PABPN1L: variants seen among roughly 807,000 people sequenced by gnomAD.
PABPN1L encodes PABPN1 like, cytoplasmic.
Under a neutral mutation model 34.0 loss-of-function variants are expected in PABPN1L, and 45 were observed. The observed-to-expected ratio is 1.32, with a 90% CI of 1.04 to 1.70. PABPN1L has a LOEUF of 1.70. Ranked by LOEUF, PABPN1L falls within the 40% of genes most tolerant of loss-of-function variation. The pLI, the probability that PABPN1L is intolerant of heterozygous loss-of-function variation, is 0.00. For missense variants in PABPN1L, 459 were observed against 367.8 expected (o/e 1.25, Z -2.03); for synonymous variants, 182 against 152.1 (o/e 1.20, Z -1.45).
chr16:88,867,850 C>T (rs1443046793), upstream of PABPN1L, among the ~76,000 whole-genome samples: 3 of 152,162 alleles, frequency 2.0e-5, no homozygotes, highest in Non-Finnish European at 4.4e-5. Context: ...GGACTCGGGG[C>T]CAGGGGGTCA....
chr16:88,864,792 C>T, intron 5 of PABPN1L, 61 bp downstream of exon 5: 2 of 1,492,190 alleles, frequency 1.3e-6, no homozygotes, highest in Non-Finnish European at 1.8e-6. Context: ...CTGTGTGTCC[C>T]AGGGCCAGTG....
In PABPN1L at chr16:88,865,912, A is replaced by G. The variant is rs552502545; in HGVS notation, c.285T>C (p.Cys95=). 97 of 1,608,644 alleles carry G rather than the reference A, an allele frequency of 6.0e-5. No homozygotes were observed. The Admixed American group carries it at 1.6e-3, about 26-fold the overall frequency. ...GCGTCCCCTCGGCCTGCTCCATGGC[A>G]CACACCTTCATCTTGATGGCCTCCA... Residue 95 remains cysteine, a synonymous_variant, in exon 2 of 7, where the codon TGT becomes TGC. Coordinates refer to ENST00000419291, the Ensembl canonical transcript of PABPN1L.
At chr16:88,867,633 G>A (rs971844348), upstream of PABPN1L, among the ~76,000 whole-genome samples, 2 of 151,866 alleles carry the variant, frequency 1.3e-5, no homozygotes, top group African/African-American at 4.8e-5. Context: ...GTGGGGCGGG[G>A]TCTCCGTGGG....
rs1329095683 is a variant in PABPN1L at position 88,864,835 on chromosome 16, T to C, written c.654+18A>G. On this transcript the variant is annotated intron_variant, in intron 5 of 6. Transcript: ENST00000419291. ...CCCTCTGCGCTCATGTTCCTGGACCTGGGGAGCACCGGCGCACCTTGATGA... is the reference window on the plus strand; with the variant it reads ...CCCTCTGCGCTCATGTTCCTGGACCCGGGGAGCACCGGCGCACCTTGATGA... The C allele has an allele frequency of 2.5e-6, 4 of 1,594,664 alleles. No individual in the cohort carries two copies. The highest frequency in any genetic ancestry group is 1.3e-5 in the African/African-American group (1 of 74,640).
chr16:88,864,644 C>T lies in PABPN1L; in HGVS notation c.654+209G>A, dbSNP rs550297912. 2.4e-4 allele frequency among the ~76,000 whole-genome samples: 35 copies of T among 147,252 alleles called. No individual in the cohort carries two copies. In the East Asian group the frequency reaches 6.1e-3, roughly 25 times the overall value. ...CACCCCTGCAGAGGGGGCTCCCGCC[C>T]GAGAGGGGACACTTCCCCACCATGC... On this transcript the variant is annotated intron_variant, in intron 5 of 6. Coordinates refer to ENST00000419291, the Ensembl canonical transcript of PABPN1L.
At chr16:88,864,988 C>T in intron 4 of PABPN1L, 34 bp downstream of exon 4, 1 of 1,598,922 alleles carries the variant, frequency 6.3e-7, no homozygotes, top group Non-Finnish European at 8.5e-7. Flanking sequence ...GCCCTGTCCG[C>T]ATGGCCAGTG....
exon 6 of PABPN1L, chr16:88,864,371 C>A: frequency 6.4e-7 from 1 of 1,555,374 alleles, no homozygotes; most frequent in Non-Finnish European, 8.7e-7. Context: ...TGGTTCTTTT[C>A]GGCAGCACCT....
chr16:88,864,443 G>GCAGCCCCCA, intron 5 of PABPN1L, 64 bp from the exon 6 acceptor site: 1 of 1,493,306 alleles, frequency 6.7e-7, no homozygotes, highest in Non-Finnish European at 9.0e-7. Flanking sequence ...CACAGCCCCC[G>GCAGCCCCCA]CAGCCCCCAC....
chr16:88,865,755 A>T, intron 2 of PABPN1L, 51 bp downstream of exon 2: 2 of 1,564,272 alleles, frequency 1.3e-6, no homozygotes, highest in Non-Finnish European at 1.7e-6. Flanking sequence ...CCTTAATGGA[A>T]ACTGTGGGAC....
Position 88,863,812 on chromosome 16 carries a change from C to G in PABPN1L, c.798-17G>C. On this transcript the variant is annotated splice_polypyrimidine_tract_variant and intron_variant, in intron 6 of 6. Transcript: ENST00000419291. ...CCACGGGCCCTGCACGGAGAGAGAA[C>G]ACACACTGAGTGGCCTTCCAGAGGA... The G allele has an allele frequency of 6.5e-7, 1 of 1,535,280 alleles. No individual in the cohort carries two copies. The highest frequency in any genetic ancestry group is 2.0e-5 in the Admixed American group (1 of 50,980).
chr16:88,868,880 C>T (rs1968650263), upstream of PABPN1L, among the ~76,000 whole-genome samples: 1 of 152,166 alleles, frequency 6.6e-6, no homozygotes, highest in Non-Finnish European at 1.5e-5. Flanking sequence ...CTGGCAGGTT[C>T]GCATTCGCCT....
rs753084218 is a variant in PABPN1L at position 88,864,956 on chromosome 16, G to A, written c.567-16C>T. On this transcript the variant is annotated splice_polypyrimidine_tract_variant and intron_variant, in intron 4 of 6. Coordinates refer to ENST00000419291, the Ensembl canonical transcript of PABPN1L. ...GTAGGCATAACTGAGGGGAGGGGCA[G>A]GGAGGGGAGGGGTGAGGCTGGGCCC... is the stretch of plus-strand genomic sequence containing the variant. 6.0e-6 allele frequency: 9 copies of A among 1,495,444 alleles called. No individual in the cohort carries two copies. The highest frequency in any genetic ancestry group is 2.6e-5 in the African/African-American group (1 of 38,780). 92.6% of individuals were successfully genotyped at this position (1,495,444 alleles called of 1,614,324 possible).
At chr16:88,867,936 A>T (rs1968634399), upstream of PABPN1L, among the ~76,000 whole-genome samples, 1 of 152,180 alleles carries the variant, frequency 6.6e-6, no homozygotes, top group South Asian at 2.1e-4. Flanking sequence ...GGCCGAGGCC[A>T]TCCTCTCTGT....
chr16:88,866,442 C>T (rs1258856558), exon 1 of PABPN1L: 5 of 1,551,606 alleles, frequency 3.2e-6, no homozygotes, highest in Non-Finnish European at 4.4e-6. Flanking sequence ...CCTCTGCATC[C>T]TCTTCCTCCT....
exon 4 of PABPN1L, chr16:88,865,022 C>A (rs981857240): frequency 1.3e-6 from 2 of 1,599,490 alleles, no homozygotes; most frequent in Admixed American, 1.7e-5. Flanking sequence ...CCACACTGAC[C>A]CCTTGGGGTG....
At chr16:88,868,986 T>C (rs1463102502), upstream of PABPN1L, among the ~76,000 whole-genome samples, 1 of 152,180 alleles carries the variant, frequency 6.6e-6, no homozygotes, top group Non-Finnish European at 1.5e-5. Context: ...CCAGCAGAAC[T>C]GTTTCAGAGC....
At chr16:88,863,471 T>C (rs993048410) in exon 7 of PABPN1L, 1 of 558,182 alleles carries the variant, frequency 1.8e-6, no homozygotes, top group African/African-American at 1.9e-5. Flanking sequence ...GGGACTCTGC[T>C]CCTCCCCTCC....
intron 1 of PABPN1L, 55 bp downstream of exon 1, chr16:88,866,297 C>T: frequency 2.0e-6 from 3 of 1,518,178 alleles, no homozygotes; most frequent in East Asian, 2.5e-5. Context: ...GTGTCTCCAC[C>T]AGCCCCTGTG....
At chr16:88,866,748 G>T, upstream of PABPN1L, 1 of 1,215,362 alleles carries the variant, frequency 8.2e-7, no homozygotes, top group African/African-American at 1.5e-5. Context: ...AAGGCTGAGT[G>T]GGGCTGAGCT....
Sources: gnomAD v4.1 joint callset for allele counts (sites outside exome capture counted in the v4.1 genomes callset) on GRCh38, gnomAD v4.1.1 for gene constraint, MANE v1.5 for transcripts, NCBI Gene and HGNC (gene_info 2026-07-23, HGNC 2026-07-21) for gene names.